The following MIPEP variants were observed in gnomAD, a reference collection of about 807,000 sequenced individuals.
MIPEP encodes the protein mitochondrial intermediate peptidase.
Under a neutral mutation model 90.3 loss-of-function variants are expected in MIPEP, and 79 were observed. The ratio of observed to expected loss-of-function variants is 0.87; its 90% CI spans 0.73 to 1.05. The LOEUF is 1.05. Among genes scored for constraint, MIPEP ranks in the 50% least tolerant of loss-of-function variants. The probability of loss-of-function intolerance (pLI) is 0.00; values close to 1 mark genes in which losing one functional copy is unlikely to be tolerated. For synonymous variants in MIPEP, 334 were observed against 315.8 expected (o/e 1.06, Z -0.61); for missense variants, 940 against 905.6 (o/e 1.04, Z -0.49).
chr13:23,735,665 C>T (rs543985157), intron 18 of MIPEP, among the ~76,000 whole-genome samples: 8 of 152,274 alleles, frequency 5.3e-5, no homozygotes, highest in African/African-American at 1.9e-4. Context: ...AAAATATATA[C>T]ACTTGTGGGC....
At chr13:23,775,109 CTGTGTGTGTGTGTGTGTG>C (rs57354012) in intron 16 of MIPEP, among the ~76,000 whole-genome samples, 9 of 149,094 alleles carry the variant, frequency 6.0e-5, no homozygotes, top group Non-Finnish European at 7.4e-5. Context: ...TATCAGTTCT[CTGTGTGTGTGTGTGTGTG>C]TGTGTGTGTG....
intron 18 of MIPEP, among the ~76,000 whole-genome samples, chr13:23,744,912 T>C (rs1952367571): frequency 6.6e-6 from 1 of 152,218 alleles, no homozygotes; most frequent in Non-Finnish European, 1.5e-5. Flanking sequence ...ATAAATCTAG[T>C]GTTGAAATTC....
At chr13:23,813,565 C>T (rs547821649) in intron 14 of MIPEP, among the ~76,000 whole-genome samples, 8 of 152,172 alleles carry the variant, frequency 5.3e-5, no homozygotes, top group South Asian at 2.1e-4. Flanking sequence ...CATATAAATA[C>T]GTATTTATGT....
intron 14 of MIPEP, among the ~76,000 whole-genome samples, chr13:23,825,656 C>G (rs1868415187): frequency 6.6e-6 from 1 of 152,142 alleles, no homozygotes; most frequent in Non-Finnish European, 1.5e-5. Context: ...CTGACTTGAT[C>G]AACTCTAACT....
At chr13:23,831,386 G>GTGGGGGC (rs1555237546) in intron 14 of MIPEP, among the ~76,000 whole-genome samples, 4 of 69,416 alleles carry the variant, frequency 5.8e-5, no homozygotes, top group Admixed American at 1.9e-4. Context: ...CCCATGGCGG[G>GTGGGGGC]GGGGGGATGT....
At chr13:23,765,530 G>A (rs1952583956) in intron 16 of MIPEP, among the ~76,000 whole-genome samples, 1 of 152,114 alleles carries the variant, frequency 6.6e-6, no homozygotes, top group Admixed American at 6.6e-5. Context: ...CATCCACCTG[G>A]GGCCTTGAAA....
intron 16 of MIPEP, 26 bp from the exon 17 acceptor site, chr13:23,760,243 C>CGGGACACAA: frequency 1.2e-6 from 2 of 1,613,808 alleles, no homozygotes; most frequent in Non-Finnish European, 1.7e-6. Context: ...AGACACAGCA[C>CGGGACACAA]GGGACACAAG....
At chr13:23,809,545 G>A (rs913428004) in intron 15 of MIPEP, among the ~76,000 whole-genome samples, 2 of 152,056 alleles carry the variant, frequency 1.3e-5, no homozygotes, top group African/African-American at 2.4e-5. Context: ...GGGTTTCACC[G>A]TGTTGGTTAA....
At chr13:23,888,760 G>A (rs1871642865) in intron 1 of MIPEP, 3 of 1,037,378 alleles carry the variant, frequency 2.9e-6, no homozygotes, top group African/African-American at 1.7e-5. Context: ...GGCCTCTTAA[G>A]GCAGGACTGT....
At chr13:23,741,079 T>C (rs939343900) in intron 18 of MIPEP, among the ~76,000 whole-genome samples, 1 of 152,156 alleles carries the variant, frequency 6.6e-6, no homozygotes, top group African/African-American at 2.4e-5. Flanking sequence ...CCTCATCAGT[T>C]CTTTAAAATC....
chr13:23,817,455 C>T (rs1456694606), intron 14 of MIPEP, among the ~76,000 whole-genome samples: 3 of 152,154 alleles, frequency 2.0e-5, no homozygotes, highest in East Asian at 3.8e-4. Flanking sequence ...CATTCCTTGG[C>T]TATAAATCTC....
At chr13:23,874,992 G>A in intron 4 of MIPEP, 83 bp from the exon 5 acceptor site, 1 of 1,120,418 alleles carries the variant, frequency 8.9e-7, no homozygotes, top group Non-Finnish European at 1.3e-6. Flanking sequence ...AAATAAATAA[G>A]TCTTTTTCAG....
At chr13:23,855,152 A>G (rs1182178340) in intron 10 of MIPEP, among the ~76,000 whole-genome samples, 4 of 152,200 alleles carry the variant, frequency 2.6e-5, no homozygotes, top group African/African-American at 4.8e-5. Context: ...AATCAAAAAT[A>G]AAATTTAATT....
rs138559130 is a variant in MIPEP, at chr13:23,841,407, T to C, written c.1188A>G (p.Arg396=). Residue 396 remains arginine (R), a synonymous_variant, in exon 11 of 19, where the codon AGA becomes AGG. Transcript: ENST00000382172. The part of the protein sequence containing the change: ...CMEGLNILLN[R]LLGISLYAEQ... ...CTGCATATAATGAAATCCCCAACAGTCTGTTAAGCAAAATATTCAGGCCTT... is the reference window on the plus strand; with the variant it reads ...CTGCATATAATGAAATCCCCAACAGCCTGTTAAGCAAAATATTCAGGCCTT... 8.7e-6 allele frequency: 14 copies of C among 1,613,940 alleles called. No homozygotes were observed. The highest frequency in any genetic ancestry group is 1.3e-5 in the African/African-American group (1 of 74,876).
intron 17 of MIPEP, among the ~76,000 whole-genome samples, chr13:23,758,331 A>G (rs1241661973): frequency 6.6e-6 from 1 of 152,222 alleles, no homozygotes; most frequent in African/African-American, 2.4e-5. Flanking sequence ...GAGTGAGATC[A>G]AAAAGGAGAC....
In MIPEP at chr13:23,879,282, A is replaced by G. The variant is rs1425881522; in HGVS notation, c.525T>C (p.Leu175=). ...TGAGTGAGTACCTTGTTTCTGGATCAAGGGAATCCACAAGTTTTTTATCAG... is the reference window on the plus strand; with the variant it reads ...TGAGTGAGTACCTTGTTTCTGGATCGAGGGAATCCACAAGTTTTTTATCAG... The part of the protein sequence containing the change: ...LLADKKLVDS[L]DPETRRVAEL... Residue 175 remains leucine, a synonymous_variant, in exon 4 of 19, where the codon CTT becomes CTC. Transcript: ENST00000382172. 1.1e-5 allele frequency: 18 copies of G among 1,601,636 alleles called. No homozygotes were observed. The highest frequency in any genetic ancestry group is 1.5e-5 in the Non-Finnish European group (18 of 1,169,180).
intron 13 of MIPEP, among the ~76,000 whole-genome samples, chr13:23,837,315 C>G (rs1190795027): frequency 1.3e-5 from 2 of 152,096 alleles, no homozygotes; most frequent in African/African-American, 2.4e-5. Context: ...TAAAAAGGGA[C>G]AAACTTGAAA....
chr13:23,864,043 T>A, intron 8 of MIPEP, 98 bp downstream of exon 8: 1 of 689,606 alleles, frequency 1.5e-6, no homozygotes, highest in East Asian at 2.8e-5. Context: ...CCAAAACTTA[T>A]ATTCTAGGTC....
At chr13:23,858,470 CAAAAAAA>C (rs1178186750) in intron 10 of MIPEP, among the ~76,000 whole-genome samples, 5 of 48,942 alleles carry the variant, frequency 1.0e-4, no homozygotes, top group African/African-American at 2.9e-4. Context: ...GACTCCGCCT[CAAAAAAA>C]AAAAAAAAAA....
Sources: gnomAD v4.1 joint callset for allele counts (sites outside exome capture counted in the v4.1 genomes callset) on GRCh38, gnomAD v4.1.1 for gene constraint, MANE v1.5 for transcripts, NCBI Gene and HGNC (gene_info 2026-07-23, HGNC 2026-07-21) for gene names.